KBTBD12: variants seen among roughly 807,000 people sequenced by gnomAD.
KBTBD12 encodes the protein kelch repeat and BTB domain containing 12.
A neutral mutation model predicts 58.7 loss-of-function variants in KBTBD12; 53 were observed. The ratio of observed to expected loss-of-function variants is 0.90; its 90% CI spans 0.72 to 1.14. The LOEUF (loss-of-function observed/expected upper bound fraction) is 1.14, where lower values mean the gene tolerates loss of function less well. KBTBD12 is among the 50% of genes most tolerant of loss of function. The probability of loss-of-function intolerance (pLI) is 0.00; values close to 1 mark genes in which losing one functional copy is unlikely to be tolerated. For synonymous variants in KBTBD12, 236 were observed against 259.8 expected, an observed-to-expected ratio of 0.91 and a Z score of 0.88; for missense variants, 704 against 751.3, an observed-to-expected ratio of 0.94 and a Z score of 0.74.
At chr3:127,980,351 A>T (rs898882443) in intron 5 of KBTBD12, among the ~76,000 whole-genome samples, 1 of 151,964 alleles carries the variant, frequency 6.6e-6, no homozygotes, top group Non-Finnish European at 1.5e-5. Context: ...TTTTTTTGAG[A>T]TGGAGTCTCG....
chr3:127,955,386 T>A (rs1425358917), intron 4 of KBTBD12, among the ~76,000 whole-genome samples: 1 of 152,222 alleles, frequency 6.6e-6, no homozygotes, highest in Non-Finnish European at 1.5e-5. Context: ...AAAAGTTACA[T>A]AAAAGGTTCA....
chr3:127,916,717 A>C (rs959833051), intron 1 of KBTBD12, among the ~76,000 whole-genome samples: 3 of 152,110 alleles, frequency 2.0e-5, no homozygotes, highest in African/African-American at 2.4e-5. Context: ...AAAAAAAAAA[A>C]AAAAACTGAG....
intron 5 of KBTBD12, among the ~76,000 whole-genome samples, chr3:127,968,272 C>T (rs1320159600): frequency 6.6e-6 from 1 of 152,166 alleles, no homozygotes; most frequent in South Asian, 2.1e-4. Flanking sequence ...AGTCCTGGGA[C>T]TCACCAGGAG....
chr3:127,921,723 GTT>G (rs1939415104), intron 1 of KBTBD12, among the ~76,000 whole-genome samples: 1 of 152,050 alleles, frequency 6.6e-6, no homozygotes, highest in African/African-American at 2.4e-5. Context: ...CAAATAAATT[GTT>G]TTTTGTGGTT....
At chr3:127,926,538 G>C (rs1031232454) in intron 2 of KBTBD12, among the ~76,000 whole-genome samples, 1 of 152,108 alleles carries the variant, frequency 6.6e-6, no homozygotes. Flanking sequence ...TCTACATTCA[G>C]CTGTGACAAG....
chr3:127,937,099 C>T (rs1364014356), intron 4 of KBTBD12, among the ~76,000 whole-genome samples: 3 of 151,856 alleles, frequency 2.0e-5, no homozygotes, highest in Non-Finnish European at 2.9e-5. Context: ...AATAATTTTC[C>T]AAGGAAAATA....
chr3:127,984,006 C>A, intron 5 of KBTBD12, 91 bp from the exon 6 acceptor site: 1 of 993,328 alleles, frequency 1.0e-6, no homozygotes, highest in Non-Finnish European at 1.5e-6. Context: ...AAGACATTGC[C>A]TTTTGGAGGA....
intron 5 of KBTBD12, among the ~76,000 whole-genome samples, chr3:127,982,194 G>T (rs1940885633): frequency 6.6e-6 from 1 of 152,198 alleles, no homozygotes; most frequent in Non-Finnish European, 1.5e-5. Context: ...AGGAGAGTCA[G>T]GGTATATTGT....
chr3:127,932,722 G>T (rs922086474), intron 4 of KBTBD12, among the ~76,000 whole-genome samples: 5 of 152,040 alleles, frequency 3.3e-5, no homozygotes, highest in African/African-American at 4.8e-5. Context: ...TGTTGCTATT[G>T]CTAATATTGA....
chr3:127,969,798 T>TA (rs1348178031), intron 5 of KBTBD12, among the ~76,000 whole-genome samples: 2 of 152,168 alleles, frequency 1.3e-5, no homozygotes, highest in Non-Finnish European at 2.9e-5. Flanking sequence ...TCCTGCCTCT[T>TA]ACCATGTACA....
Position 127,966,095 on chromosome 3 carries a change from G to C in KBTBD12, c.1690+2709G>C, listed in dbSNP as rs185761812. Among the ~76,000 whole-genome samples, 28 of 152,354 alleles carry C rather than the reference G, an allele frequency of 1.8e-4. No individual in the cohort carries two copies. In the East Asian group the frequency reaches 5.4e-3, roughly 29 times the overall value. ...CTGACAAAGGCTGAGGTTGAGGACA[G>C]GAGTTAAGGTCAGGCATCCAGTAAT... On this transcript the variant is annotated intron_variant, in intron 5 of 5. Coordinates refer to ENST00000405109, the MANE Select transcript of KBTBD12 (RefSeq NM_207335.4).
At chr3:127,930,916 T>C (rs1199247230) in intron 4 of KBTBD12, among the ~76,000 whole-genome samples, 2 of 152,144 alleles carry the variant, frequency 1.3e-5, no homozygotes, top group African/African-American at 4.8e-5. Context: ...CATTCCTTGA[T>C]TTTTCCTGTT....
At chr3:127,963,481 C>A in intron 5 of KBTBD12, 95 bp downstream of exon 5, 2 of 1,168,236 alleles carry the variant, frequency 1.7e-6, no homozygotes, top group Non-Finnish European at 2.4e-6. Flanking sequence ...CTGAGAGCAA[C>A]GTGAGCACTG....
chr3:127,950,350 G>A (rs1576383913), intron 4 of KBTBD12, among the ~76,000 whole-genome samples: 2 of 152,188 alleles, frequency 1.3e-5, no homozygotes. Context: ...ATTAATGGAC[G>A]AAAATAGTTC....
At chr3:127,949,563 G>A (rs1295696576) in intron 4 of KBTBD12, among the ~76,000 whole-genome samples, 2 of 152,130 alleles carry the variant, frequency 1.3e-5, no homozygotes, top group Non-Finnish European at 2.9e-5. Flanking sequence ...TTAAGTGTGG[G>A]GACTATGATT....
intron 4 of KBTBD12, among the ~76,000 whole-genome samples, chr3:127,933,290 C>A (rs1459897179): frequency 6.6e-6 from 1 of 152,136 alleles, no homozygotes; most frequent in Non-Finnish European, 1.5e-5. Flanking sequence ...CATGGTAATA[C>A]TGCTAGAGTG....
chr3:127,938,283 C>A (rs995891215), intron 4 of KBTBD12, among the ~76,000 whole-genome samples: 1 of 151,752 alleles, frequency 6.6e-6, no homozygotes, highest in Non-Finnish European at 1.5e-5. Flanking sequence ...ATTATAATAA[C>A]AAGTTGGGAC....
At chr3:127,956,654 G>T (rs1940327120) in intron 4 of KBTBD12, among the ~76,000 whole-genome samples, 1 of 152,198 alleles carries the variant, frequency 6.6e-6, no homozygotes, top group South Asian at 2.1e-4. Flanking sequence ...ACTGCGCGTG[G>T]ATGAGAAATA....
At chr3:127,983,063 AC>A (rs1940900477) in intron 5 of KBTBD12, among the ~76,000 whole-genome samples, 1 of 152,142 alleles carries the variant, frequency 6.6e-6, no homozygotes, top group Non-Finnish European at 1.5e-5. Context: ...GGCAGTTTCA[AC>A]CCTTGTTCAC....
Sources: allele counts gnomAD v4.1 joint callset (sites outside exome capture counted in the v4.1 genomes callset), GRCh38; gene constraint gnomAD v4.1.1; transcripts MANE v1.5; gene names NCBI Gene and HGNC (gene_info 2026-07-23, HGNC 2026-07-21).